Variants in MTUS2 observed in about 807,000 individuals in gnomAD.
MTUS2 encodes microtubule associated scaffold protein 2, also known as microtubule-associated tumor suppressor candidate 2.
In MTUS2, 40 loss-of-function variants were observed where a neutral mutation model predicts 114.1. That is an observed-to-expected ratio of 0.35 (90% confidence interval 0.27 to 0.46). The LOEUF is 0.46. MTUS2 is among the 20% of genes least tolerant of loss of function. MTUS2 has a pLI of 1.00. For synonymous variants in MTUS2, 688 were observed against 672.0 expected, an observed-to-expected ratio of 1.02 and a Z score of -0.37; for missense variants, 1,679 against 1,705.4, an observed-to-expected ratio of 0.98 and a Z score of 0.27.
chr13:29,251,579 C>G (rs1208276661), intron 5 of MTUS2, among the ~76,000 whole-genome samples: 1 of 152,162 alleles, frequency 6.6e-6, no homozygotes, highest in African/African-American at 2.4e-5. Context: ...CCCCATTTAT[C>G]CCTCCCCCGC....
At chr13:28,843,695 A>G (rs1875663283) in intron 2 of MTUS2, among the ~76,000 whole-genome samples, 1 of 152,178 alleles carries the variant, frequency 6.6e-6, no homozygotes, top group Non-Finnish European at 1.5e-5. Flanking sequence ...CCCTGCACCA[A>G]TCTCTTGTAT....
chr13:28,894,390 C>G (rs965286506), intron 2 of MTUS2, among the ~76,000 whole-genome samples: 3 of 147,928 alleles, frequency 2.0e-5, no homozygotes, highest in Admixed American at 6.9e-5. Context: ...CTCACTGTCT[C>G]TGCTATGTGG....
At chr13:28,821,550 A>G (rs1409534291) in intron 1 of MTUS2, among the ~76,000 whole-genome samples, 1 of 152,068 alleles carries the variant, frequency 6.6e-6, no homozygotes, top group Admixed American at 6.5e-5. Context: ...ATTTATGGCT[A>G]TTTTTTTCAG....
chr13:28,908,628 G>A (rs565730261), intron 2 of MTUS2, among the ~76,000 whole-genome samples: 27 of 151,522 alleles, frequency 1.8e-4, no homozygotes, highest in Admixed American at 3.9e-4. Context: ...TTATAGCAGT[G>A]TGATTTATAA....
intron 5 of MTUS2, among the ~76,000 whole-genome samples, chr13:29,136,449 G>A (rs1045172959): frequency 2.6e-5 from 4 of 152,162 alleles, no homozygotes; most frequent in African/African-American, 7.2e-5. Flanking sequence ...CTGGTCACCC[G>A]AATGACCAAG....
chr13:29,025,531 C>T lies in MTUS2; in HGVS notation c.833C>T (p.Ala278Val), dbSNP rs927739985. The T allele has an allele frequency of 1.9e-6, 3 of 1,613,668 alleles. No homozygotes were observed. Among genetic ancestry groups the T allele is most frequent in the African/African-American group, 1.3e-5 (1 of 74,942 alleles). The change falls in exon 3 of 16, where the codon GCC (alanine) becomes GTC (valine). Residue 278 changes from alanine (A) to valine (V), a missense_variant. Ala to Val is a moderately conservative substitution (Grantham distance 64, BLOSUM62 0). Coordinates refer to ENST00000612955, the MANE Select transcript of MTUS2 (RefSeq NM_001033602.4). ...QVCSEHTSHS[A>V]HPEPALNLTL... ...TGCAGTGAGCACACATCACATTCCG[C>T]CCATCCAGAGCCTGCTCTGAATTTG...
intron 2 of MTUS2, among the ~76,000 whole-genome samples, chr13:28,887,432 C>A (rs1489675023): frequency 6.6e-6 from 1 of 152,168 alleles, no homozygotes; most frequent in Admixed American, 6.5e-5. Context: ...CTGTGGCAGC[C>A]CTCATGCTGG....
chr13:28,851,001 A>T (rs184730890), intron 2 of MTUS2, among the ~76,000 whole-genome samples: 1 of 152,310 alleles, frequency 6.6e-6, no homozygotes, highest in Admixed American at 6.5e-5. Flanking sequence ...GGAGGGGAAT[A>T]TCGCTGTTAA....
chr13:29,228,479 C>G (rs1259528750), intron 5 of MTUS2, among the ~76,000 whole-genome samples: 2 of 152,092 alleles, frequency 1.3e-5, no homozygotes, highest in Non-Finnish European at 2.9e-5. Context: ...TGCCACCACA[C>G]CTGGCTATTT....
chr13:28,821,254 G>A (rs1350464307), intron 1 of MTUS2, among the ~76,000 whole-genome samples: 1 of 152,094 alleles, frequency 6.6e-6, no homozygotes, highest in African/African-American at 2.4e-5. Flanking sequence ...AGTGGTCTTA[G>A]CTTGAGGTAC....
intron 2 of MTUS2, among the ~76,000 whole-genome samples, chr13:28,855,705 T>C (rs979025813): frequency 6.6e-6 from 1 of 152,196 alleles, no homozygotes; most frequent in Non-Finnish European, 1.5e-5. Flanking sequence ...TCCATGTCTT[T>C]GCTATTGTGA....
chr13:29,308,643 A>T (rs182385044), intron 6 of MTUS2, among the ~76,000 whole-genome samples: 1 of 152,352 alleles, frequency 6.6e-6, no homozygotes, highest in African/African-American at 2.4e-5. Flanking sequence ...AAATTTTTGC[A>T]ATCTATCCAT....
intron 1 of MTUS2, among the ~76,000 whole-genome samples, chr13:28,823,494 C>T (rs1329328189): frequency 6.6e-6 from 1 of 152,098 alleles, no homozygotes; most frequent in African/African-American, 2.4e-5. Flanking sequence ...ACGGGTATAC[C>T]TTGTCTATCA....
In MTUS2 at chr13:29,487,885, G is replaced by T; in HGVS notation, c.3400-15G>T. ...GCAGCTCTCTGTCTAACCAGTAACT[G>T]CGACTCTCCTCCAGGTGGAAGATCT... is the stretch of plus-strand genomic sequence containing the variant. On this transcript the variant is annotated splice_polypyrimidine_tract_variant and intron_variant, in intron 10 of 15. Coordinates refer to ENST00000612955, the MANE Select transcript of MTUS2 (RefSeq NM_001033602.4). 1 of 1,601,212 alleles carries T rather than the reference G, an allele frequency of 6.2e-7. No homozygotes were observed.
intron 5 of MTUS2, among the ~76,000 whole-genome samples, chr13:29,104,524 G>A (rs746804858): frequency 1.2e-4 from 19 of 152,206 alleles, no homozygotes; most frequent in Non-Finnish European, 2.5e-4. Flanking sequence ...AGAGGGTTCC[G>A]CTTTACGCAG....
At chr13:29,248,005 T>TC (rs1276510342) in intron 5 of MTUS2, among the ~76,000 whole-genome samples, 3 of 152,170 alleles carry the variant, frequency 2.0e-5, no homozygotes, top group Non-Finnish European at 2.9e-5. Flanking sequence ...AGCCCAAATG[T>TC]CCATCAGTCA....
chr13:29,196,286 G>A (rs958597597), intron 5 of MTUS2, among the ~76,000 whole-genome samples: 5 of 151,834 alleles, frequency 3.3e-5, no homozygotes, highest in African/African-American at 4.8e-5. Context: ...TAGTAGAGAC[G>A]GGGGTTTCAC....
intron 2 of MTUS2, among the ~76,000 whole-genome samples, chr13:28,925,825 A>T (rs1593305339): frequency 2.0e-5 from 3 of 152,248 alleles, no homozygotes; most frequent in Non-Finnish European, 2.9e-5. Flanking sequence ...GCAAACACAT[A>T]ATAGCTGTTA....
chr13:29,426,104 A>G (rs559462150), intron 8 of MTUS2, among the ~76,000 whole-genome samples: 72 of 152,354 alleles, frequency 4.7e-4, no homozygotes, highest in Non-Finnish European at 8.5e-4. Flanking sequence ...GGCTCTGTCC[A>G]CAATAGGGCT....
Sources: gnomAD v4.1 joint callset for allele counts (sites outside exome capture counted in the v4.1 genomes callset) on GRCh38, gnomAD v4.1.1 for gene constraint, MANE v1.5 for transcripts, NCBI Gene and HGNC (gene_info 2026-07-23, HGNC 2026-07-21) for gene names.